Variants in CC2D2A observed in about 807,000 individuals in gnomAD.
CC2D2A encodes coiled-coil and C2 domain-containing protein 2A.
In CC2D2A, 155 loss-of-function variants were observed where a neutral mutation model predicts 212.9. The ratio of observed to expected loss-of-function variants is 0.73; its 90% CI spans 0.64 to 0.83. CC2D2A has a LOEUF of 0.83. CC2D2A is among the 40% of genes least tolerant of loss of function. The probability of loss-of-function intolerance (pLI) is 0.00; values close to 1 mark genes in which losing one functional copy is unlikely to be tolerated. For synonymous variants in CC2D2A, 667 were observed against 686.5 expected (o/e 0.97, Z 0.44); for missense variants, 1,856 against 1,956.2 (o/e 0.95, Z 0.97).
chr4:15,499,139 G>A (rs1298532980), intron 4 of CC2D2A, among the ~76,000 whole-genome samples: 2 of 152,172 alleles, frequency 1.3e-5, no homozygotes, highest in Middle Eastern at 6.3e-3. Flanking sequence ...GAGCACAGAA[G>A]GTTTGAAGGG....
At chr4:15,482,176 C>T in intron 4 of CC2D2A, 1 of 985,408 alleles carries the variant, frequency 1.0e-6, no homozygotes. Context: ...AGCAAGTAGA[C>T]TCTTAGATTG....
At chr4:15,550,111 C>T (rs921460280) in intron 17 of CC2D2A, among the ~76,000 whole-genome samples, 2 of 152,284 alleles carry the variant, frequency 1.3e-5, no homozygotes, top group East Asian at 1.9e-4. Context: ...TACAGGGGAT[C>T]GAATGGAGCC....
rs386833747 is a variant in CC2D2A at position 15,553,306 on chromosome 4, G to C, written c.2486+1G>C. 4.3e-6 allele frequency: 7 copies of C among 1,611,550 alleles called. No individual in the cohort carries two copies. Among genetic ancestry groups the C allele is most frequent in the Admixed American group, 3.4e-5 (2 of 59,658 alleles). On this transcript the variant is annotated splice_donor_variant, in intron 19 of 36. Transcript: ENST00000424120. LOFTEE classifies it high-confidence loss of function. ...CACAGCAGAACATCGGATTTCGGAG[G>C]TAATACATGGCAAGAGTAAATTGAT... is the stretch of plus-strand genomic sequence containing the variant.
chr4:15,479,118 G>A (rs1714444522), intron 3 of CC2D2A: 1 of 824,450 alleles, frequency 1.2e-6, no homozygotes, highest in African/African-American at 1.7e-5. Flanking sequence ...GTGCTTCATT[G>A]AAGGCCATGG....
At chr4:15,475,350 A>G (rs1025480035) in intron 1 of CC2D2A, among the ~76,000 whole-genome samples, 1 of 152,150 alleles carries the variant, frequency 6.6e-6, no homozygotes, top group Non-Finnish European at 1.5e-5. Flanking sequence ...ACTGGTAGGA[A>G]TGAGCCAATA....
rs1713609972 is a variant in CC2D2A at position 15,469,956 on chromosome 4, C to T, written c.-120C>T. 6.6e-6 allele frequency: 1 copy of T among 152,252 alleles called. No individual in the cohort carries two copies. Among genetic ancestry groups the T allele is most frequent in the Admixed American group, 6.5e-5 (1 of 15,284 alleles). The allele number at this position is 152,252 out of a possible 1,614,324, so 9.4% of individuals were successfully genotyped here. On this transcript the variant is annotated 5_prime_UTR_variant, in exon 1 of 37. Coordinates refer to ENST00000424120, the MANE Select transcript of CC2D2A (RefSeq NM_001378615.1). ...CCCAGGGGCATCTCCAACACTCAGC[C>T]TTTCCCTCCGGACCCTTTTAAAAGA... is the stretch of plus-strand genomic sequence containing the variant.
At position 15,567,673 on chromosome 4, in the gene CC2D2A, TA is replaced by T. The variant is rs774235067; in HGVS notation, c.3289-2del. 5.7e-6 allele frequency: 9 copies of T among 1,588,212 alleles called. No individual in the cohort carries two copies. In the East Asian group the frequency reaches 1.8e-4, roughly 32 times the overall value. The stretch of plus-strand genomic sequence containing the variant: ...GGAACTCAGAATTTGCTCTTGATTT[TA>T]AGGTTTTAGTACGTCCCTTTGTAGA... On this transcript the variant is annotated splice_polypyrimidine_tract_variant and splice_region_variant and intron_variant, in intron 25 of 36. Coordinates refer to ENST00000424120, the MANE Select transcript of CC2D2A (RefSeq NM_001378615.1).
At chr4:15,528,465 T>A (rs1717628177) in intron 12 of CC2D2A, among the ~76,000 whole-genome samples, 155 bp from the exon 13 acceptor site, 1 of 152,250 alleles carries the variant, frequency 6.6e-6, no homozygotes, top group South Asian at 2.1e-4. Flanking sequence ...TCATAATTCA[T>A]TTATGTGAAA....
rs1168729513 is a variant in CC2D2A at position 15,574,297 on chromosome 4, C to T, written c.3742C>T (p.Leu1248=). Residue 1248 remains leucine (L), a synonymous_variant, in exon 29 of 37, where the codon CTG becomes TTG. Transcript: ENST00000424120. The part of the protein sequence containing the change: ...ITLFITIEPQ[L]VPGESIREKF... ...CCTCTTTATTACCATTGAGCCCCAG[C>T]TGGTTCCTGGAGAGTCCATTCGAGA... 2.6e-6 allele frequency: 4 copies of T among 1,551,388 alleles called. No individual in the cohort carries two copies. The highest frequency in any genetic ancestry group is 3.5e-6 in the Non-Finnish European group (4 of 1,146,762).
At chr4:15,568,139 T>G (rs537137207) in intron 26 of CC2D2A, among the ~76,000 whole-genome samples, 150 of 152,332 alleles carry the variant, frequency 9.8e-4, no homozygotes, top group Non-Finnish European at 1.8e-3. Flanking sequence ...TGAAACTCCT[T>G]AGTTCCCATA....
At chr4:15,585,404 C>T (rs1320012106) in intron 30 of CC2D2A, among the ~76,000 whole-genome samples, 1 of 152,046 alleles carries the variant, frequency 6.6e-6, no homozygotes, top group Non-Finnish European at 1.5e-5. Flanking sequence ...AGGACAGAGA[C>T]AATATGATCT....
chr4:15,577,730 T>C (rs1720475514), intron 29 of CC2D2A, among the ~76,000 whole-genome samples: 1 of 152,134 alleles, frequency 6.6e-6, no homozygotes, highest in South Asian at 2.1e-4. Context: ...TTTTTTTAAC[T>C]TGGAAGGCCA....
chr4:15,563,477 A>G lies in CC2D2A; in HGVS notation c.3137A>G (p.Asn1046Ser). The change falls in exon 24 of 37, where the codon AAC (asparagine) becomes AGC (serine). Residue 1046 changes from asparagine to serine, a missense_variant. Asn to Ser is a conservative substitution (Grantham distance 46). Transcript: ENST00000424120. ...GATGGAGACATAAAGCTGCTGGTGA[A>G]CATTGTGCGAGCTTACGACATTCCA... Reference protein sequence around the residue: ...LSDGDIKLLVNIVRAYDIPVR... With the variant: ...LSDGDIKLLVSIVRAYDIPVR... The G allele has an allele frequency of 6.2e-7, 1 of 1,612,584 alleles. No individual in the cohort carries two copies. Among genetic ancestry groups the G allele is most frequent in the Non-Finnish European group, 8.5e-7 (1 of 1,179,382 alleles).
chr4:15,537,896 C>T lies in CC2D2A; in HGVS notation c.1765-3C>T, dbSNP rs1718219248. 2 of 1,588,864 alleles carry T rather than the reference C, an allele frequency of 1.3e-6. No homozygotes were observed. The highest frequency in any genetic ancestry group is 1.7e-6 in the Non-Finnish European group (2 of 1,167,944). On this transcript the variant is annotated splice_region_variant and splice_polypyrimidine_tract_variant and intron_variant, in intron 15 of 36. Coordinates refer to ENST00000424120, the MANE Select transcript of CC2D2A (RefSeq NM_001378615.1). ...TGATATCATGTTGCCTCTAACTCAACAGAGGGCCAAGAAGAAGAAAAGGAA... is the reference window on the plus strand; with the variant it reads ...TGATATCATGTTGCCTCTAACTCAATAGAGGGCCAAGAAGAAGAAAAGGAA...
At chr4:15,500,093 G>GTATATATA in intron 4 of CC2D2A, among the ~76,000 whole-genome samples, 3 of 50,850 alleles carry the variant, frequency 5.9e-5, no homozygotes, top group African/African-American at 1.9e-4. Flanking sequence ...GTGTGTGTGT[G>GTATATATA]TGTGTGTGTG....
At position 15,552,534 on chromosome 4, in the gene CC2D2A, A is replaced by G. The variant is rs371448289; in HGVS notation, c.2339-624A>G. 1.3e-3 allele frequency among the ~76,000 whole-genome samples: 199 copies of G among 152,268 alleles called. 2 individuals carry two copies. Among genetic ancestry groups the G allele is most frequent in the African/African-American group, 4.5e-3 (189 of 41,556 alleles). ...TTGTTTCTCCTTAGCACTTACATAC[A>G]ATCTCTAACATACTAAGTATTTCTC... On this transcript the variant is annotated intron_variant, in intron 18 of 36. Coordinates refer to ENST00000424120, the MANE Select transcript of CC2D2A (RefSeq NM_001378615.1).
In CC2D2A at chr4:15,601,366, T is replaced by C. The variant is rs1721590787; in HGVS notation, c.4804T>C (p.Tyr1602His). 6.3e-7 allele frequency: 1 copy of C among 1,590,702 alleles called. No individual in the cohort carries two copies. The highest frequency in any genetic ancestry group is 8.6e-7 in the Non-Finnish European group (1 of 1,166,284). Residue 1602 changes from tyrosine to histidine, a missense_variant, in exon 37 of 37, where the codon TAC (tyrosine) becomes CAC (histidine). Physicochemically the swap from Tyr to His is moderately conservative, Grantham distance 83. Transcript: ENST00000424120. Reference protein sequence around the residue: ...EFALAVYIHPYPKNVLSVWIY... With the variant: ...EFALAVYIHPHPKNVLSVWIY... The stretch of plus-strand genomic sequence containing the variant: ...TGCTTTAGCTGTATACATACACCCA[T>C]ACCCCAAAAATGTTTTGTCTGTTTG...
At chr4:15,485,989 C>G (rs983727371) in intron 4 of CC2D2A, among the ~76,000 whole-genome samples, 6 of 152,070 alleles carry the variant, frequency 3.9e-5, no homozygotes, top group Admixed American at 3.3e-4. Context: ...ATTGAACTAT[C>G]CTTGCATCCC....
intron 28 of CC2D2A, 146 bp downstream of exon 28, chr4:15,570,642 G>A: frequency 5.6e-6 from 3 of 531,452 alleles, no homozygotes; most frequent in Non-Finnish European, 6.9e-6. Flanking sequence ...ATCATCTGAG[G>A]TCAGGAGTTG....
Sources: allele counts gnomAD v4.1 joint callset (sites outside exome capture counted in the v4.1 genomes callset), GRCh38; gene constraint gnomAD v4.1.1; transcripts MANE v1.5; gene names NCBI Gene and HGNC (gene_info 2026-07-23, HGNC 2026-07-21).